The following GSC2 variants were observed in gnomAD, a reference collection of about 807,000 sequenced individuals.
The protein encoded by GSC2 is goosecoid homeobox 2.
GSC2 carries 12 observed loss-of-function variants against 11.3 expected under a neutral mutation model. The ratio of observed to expected loss-of-function variants is 1.06; its 90% CI spans 0.68 to 1.72. GSC2 has a LOEUF of 1.72. Among genes scored for constraint, GSC2 ranks in the 40% most tolerant of loss-of-function variants. The pLI is 0.00. For missense variants in GSC2, 310 were observed against 235.7 expected, an observed-to-expected ratio of 1.32 and a Z score of -2.06; for synonymous variants, 148 against 110.0, an observed-to-expected ratio of 1.35 and a Z score of -2.16.
Position 19,149,024 on chromosome 22 carries a change from G to C in GSC2, c.585C>G (p.Pro195=). Residue 195 remains proline (P), a synonymous_variant, in exon 3 of 3, where the codon CCC becomes CCG. Coordinates refer to ENST00000086933, the MANE Select transcript of GSC2 (RefSeq NM_005315.2). ...KRASASARLL[P]GVKKSPKGSC is the part of the protein sequence containing the mutation. ...TCCCCTTCGGGGACTTCTTGACGCC[G>C]GGCAGGAGCCTCGCGGAAGCCGACG... 6.2e-7 allele frequency: 1 copy of C among 1,601,270 alleles called. No homozygotes were observed. The highest frequency in any genetic ancestry group is 2.3e-5 in the East Asian group (1 of 44,304).
intron 2 of GSC2, among the ~76,000 whole-genome samples, chr22:19,149,339 A>G (rs551017295): frequency 6.6e-6 from 1 of 152,366 alleles, no homozygotes; most frequent in East Asian, 1.9e-4. Flanking sequence ...GGCGGCGACC[A>G]GGACGCCCCT....
rs1177441147 is a variant in GSC2, at chr22:19,147,065, G to A, written c.*1926C>T. ...ACTTCCTGTCAGCCTGGGTATAGTG[G>A]ATGATCAGGAGAGGGAGGGGTCCAG... is the stretch of plus-strand genomic sequence containing the variant. On this transcript the variant is annotated 3_prime_UTR_variant, in exon 3 of 3. Coordinates refer to ENST00000086933, the MANE Select transcript of GSC2 (RefSeq NM_005315.2). Among the ~76,000 whole-genome samples the A allele has an allele frequency of 6.6e-6, 1 of 152,170 alleles. No individual in the cohort carries two copies. The highest frequency in any genetic ancestry group is 2.4e-5 in the African/African-American group (1 of 41,446).
chr22:19,150,151 CGGGCTGCGG>C lies in GSC2; in HGVS notation c.124_132del (p.Pro42_Pro44del), dbSNP rs1174032154. The C allele has an allele frequency of 1.2e-6, 1 of 869,120 alleles. No individual in the cohort carries two copies. The highest frequency in any genetic ancestry group is 1.4e-6 in the Non-Finnish European group (1 of 713,524). 53.8% of individuals were successfully genotyped at this position (869,120 alleles called of 1,614,324 possible). A position where few individuals can be genotyped will look rare whatever the true frequency, so the allele number is the denominator to read the frequency against. On this transcript the variant is annotated inframe_deletion, in exon 1 of 3. Transcript: ENST00000086933. ...GGCTTCGCGGGGCTCTGGCGACCGG[CGGGCTGCGG>C]TGGGCAGGCGGCCCGGGCCGGGAGG...
At position 19,149,086 on chromosome 22, in the gene GSC2, T is replaced by C. The variant is rs1555917854; in HGVS notation, c.523A>G (p.Lys175Glu). The C allele has an allele frequency of 1.4e-5, 22 of 1,584,148 alleles. No homozygotes were observed. The highest frequency in any genetic ancestry group is 4.0e-5 in the African/African-American group (3 of 74,284). ...TGTCGCCATTTGGCCCGGCGGTTCT[T>C]GAACCAGACCTGGGGATGGGGGGAA... ...LREERVEVWFKNRRAKWRHQK... is the reference protein window; with the variant it reads ...LREERVEVWFENRRAKWRHQK... Residue 175 changes from lysine to glutamate, a missense_variant, in exon 3 of 3, where the codon AAG becomes GAG. Transcript: ENST00000086933.
At chr22:19,149,255 A>G (rs1479693371) in intron 2 of GSC2, among the ~76,000 whole-genome samples, 160 bp from the exon 3 acceptor site, 3 of 152,060 alleles carry the variant, frequency 2.0e-5, no homozygotes, top group Non-Finnish European at 1.5e-5. Flanking sequence ...ACCTGCCCTT[A>G]TTCGCTGCGG....
rs1189587935 is a variant in GSC2 at position 19,150,103 on chromosome 22, C to T, written c.181G>A (p.Ala61Thr). ...AKPEEPGAPE[A>T]APCACCCCCG... ...CAGCAGCAGCAGGCGCAGGGCGCAGCCTCGGGCGCCCCGGGCTCCTCTGGC... is the reference window on the plus strand; with the variant it reads ...CAGCAGCAGCAGGCGCAGGGCGCAGTCTCGGGCGCCCCGGGCTCCTCTGGC... Residue 61 changes from alanine (A) to threonine (T), a missense_variant, in exon 1 of 3, where the codon GCT (alanine) becomes ACT (threonine). Transcript: ENST00000086933. 3 of 1,001,640 alleles carry T rather than the reference C, an allele frequency of 3.0e-6. No homozygotes were observed. The highest frequency in any genetic ancestry group is 3.6e-6 in the Non-Finnish European group (3 of 840,686). 62.0% of individuals were successfully genotyped at this position (1,001,640 alleles called of 1,614,324 possible). A position where few individuals can be genotyped will look rare whatever the true frequency, so the allele number is the denominator to read the frequency against.
Position 19,149,718 on chromosome 22 carries a change from A to G in GSC2, c.458T>C (p.Val153Ala). The G allele has an allele frequency of 1.3e-6, 2 of 1,585,940 alleles. No homozygotes were observed. The highest frequency in any genetic ancestry group is 1.1e-5 in the South Asian group (1 of 87,940). Residue 153 changes from valine to alanine, a missense_variant, in exon 2 of 3, where the codon GTG becomes GCG. By Grantham distance (64) the Val-to-Ala change is moderately conservative. Transcript: ENST00000086933. ...ALFVQNQYPD[V>A]STRERLAGRI... is the part of the protein sequence containing the mutation. ...GCCGGCCAGGCGCTCGCGCGTACTCACGTCAGGATACTGGTTCTGCACGAA... is the reference window on the plus strand; with the variant it reads ...GCCGGCCAGGCGCTCGCGCGTACTCGCGTCAGGATACTGGTTCTGCACGAA...
Position 19,150,232 on chromosome 22 carries a change from A to G in GSC2, c.52T>C (p.Cys18Arg). The change falls in exon 1 of 3, where the codon TGC becomes CGC. Residue 18 changes from cysteine (C) to arginine (R), a missense_variant. Transcript: ENST00000086933. Reference sequence around the variant, plus strand: ...AGGATGTGCTCGATGGAGAAGGGGCAGGGCCGCCCGGCACCCCGGCGGCTC... The same window carrying G: ...AGGATGTGCTCGATGGAGAAGGGGCGGGGCCGCCCGGCACCCCGGCGGCTC... Reference protein sequence around the residue: ...AASRRGAGRPCPFSIEHILSS... With the variant: ...AASRRGAGRPRPFSIEHILSS... 2 of 304,522 alleles carry G rather than the reference A, an allele frequency of 6.6e-6. No homozygotes were observed. Among genetic ancestry groups the G allele is most frequent in the Non-Finnish European group, 5.4e-6 (1 of 186,504 alleles). 18.9% of individuals were successfully genotyped at this position (304,522 alleles called of 1,614,324 possible).
Position 19,150,038 on chromosome 22 carries a change from C to T in GSC2, c.246G>A (p.Ala82=), listed in dbSNP as rs552649386. 1.8e-3 allele frequency: 1,862 copies of T among 1,014,964 alleles called. 20 individuals are homozygous for T. In the African/African-American group the frequency reaches 0.03, roughly 16 times the overall value. The allele number at this position is 1,014,964 out of a possible 1,614,324, so 62.9% of individuals were successfully genotyped here. The part of the protein sequence containing the change: ...PRAAPCGPPE[A]AAGLGARLAW... ...GCGCCCACTCACCCAGCCCGGCGGC[C>T]GCCTCTGGGGGCCCGCAGGGCGCCG... Residue 82 remains alanine (A), a synonymous_variant, in exon 1 of 3, where the codon GCG becomes GCA. Coordinates refer to ENST00000086933, the MANE Select transcript of GSC2 (RefSeq NM_005315.2).
In GSC2 at chr22:19,150,113, C is replaced by G; in HGVS notation, c.171G>C (p.Gly57=). The change falls in exon 1 of 3, where the codon GGG becomes GGC. Residue 57 remains glycine (G), a synonymous_variant. Coordinates refer to ENST00000086933, the MANE Select transcript of GSC2 (RefSeq NM_005315.2). ...RQSPAKPEEP[G]APEAAPCACC... is the part of the protein sequence containing the mutation. ...AGGCGCAGGGCGCAGCCTCGGGCGC[C>G]CCGGGCTCCTCTGGCTTCGCGGGGC... is the stretch of plus-strand genomic sequence containing the variant. 1.0e-6 allele frequency: 1 copy of G among 999,958 alleles called. No homozygotes were observed. Among genetic ancestry groups the G allele is most frequent in the Non-Finnish European group, 1.2e-6 (1 of 838,038 alleles). The allele number at this position is 999,958 out of a possible 1,614,324, so 61.9% of individuals were successfully genotyped here.
Position 19,150,194 on chromosome 22 carries a change from G to T in GSC2, c.90C>A (p.Pro30=). The stretch of plus-strand genomic sequence containing the variant: ...CGGCCCGGGCCGGGAGGCTCCGCTC[G>T]GGCAGGCTGGAGAGGATGTGCTCGA... ...FSIEHILSSL[P]ERSLPARAAC... The change falls in exon 1 of 3, where the codon CCC becomes CCA. Residue 30 remains proline (P), a synonymous_variant. Coordinates refer to ENST00000086933, the MANE Select transcript of GSC2 (RefSeq NM_005315.2). 1 of 474,646 alleles carries T rather than the reference G, an allele frequency of 2.1e-6. No individual in the cohort carries two copies. The highest frequency in any genetic ancestry group is 2.9e-6 in the Non-Finnish European group (1 of 347,264). The allele number at this position is 474,646 out of a possible 1,614,324, so 29.4% of individuals were successfully genotyped here.
Position 19,149,025 on chromosome 22 carries a change from G to A in GSC2, c.584C>T (p.Pro195Leu), listed in dbSNP as rs113172815. 9.9e-5 allele frequency: 158 copies of A among 1,601,710 alleles called. No homozygotes were observed. The highest frequency in any genetic ancestry group is 1.3e-4 in the Non-Finnish European group (150 of 1,174,374). ...CCCCTTCGGGGACTTCTTGACGCCG[G>A]GCAGGAGCCTCGCGGAAGCCGACGC... ...KRASASARLL[P>L]GVKKSPKGSC Residue 195 changes from proline (P) to leucine (L), a missense_variant, in exon 3 of 3, where the codon CCC becomes CTC. Transcript: ENST00000086933.
In GSC2 at chr22:19,148,952, A is replaced by G; in HGVS notation, c.*39T>C. The G allele has an allele frequency of 1.6e-6, 2 of 1,269,776 alleles. No individual in the cohort carries two copies. Among genetic ancestry groups the G allele is most frequent in the African/African-American group, 1.5e-5 (1 of 67,014 alleles). 78.7% of individuals were successfully genotyped at this position (1,269,776 alleles called of 1,614,324 possible). ...TCTCAGCGCCAACTCCAAAGATCCC[A>G]AAAAGGGTGGCCGAGCCCAGGGGCA... is the stretch of plus-strand genomic sequence containing the variant. On this transcript the variant is annotated 3_prime_UTR_variant, in exon 3 of 3. Transcript: ENST00000086933.
In GSC2 at chr22:19,149,791, GGC is replaced by G; in HGVS notation, c.383_384del (p.Arg128ProfsTer24). On this transcript the variant is annotated frameshift_variant, in exon 2 of 3. Transcript: ENST00000086933. LOFTEE classifies it high-confidence loss of function. ...VGPGSQRRTRRHRTIFSEEQL... is the reference protein window; with the variant it reads ...VGPGSQRRTRXHRTIFSEEQL... ...TGCTCTTCGCTGAAGATGGTGCGGT[GGC>G]GCCTCGTGCGCCGCTGCGAACCCGG... The G allele has an allele frequency of 1.9e-6, 3 of 1,587,826 alleles. No individual in the cohort carries two copies. The highest frequency in any genetic ancestry group is 2.6e-6 in the Non-Finnish European group (3 of 1,169,540).
intron 2 of GSC2, 133 bp downstream of exon 2, chr22:19,149,530 C>T: frequency 9.9e-7 from 1 of 1,008,566 alleles, no homozygotes; most frequent in Non-Finnish European, 1.4e-6. Context: ...CGTCCAGGGA[C>T]CTCCTCCCTC....
rs2083801573 is a variant in GSC2, at chr22:19,147,949, T to A, written c.*1042A>T. Among the ~76,000 whole-genome samples, 1 of 152,164 alleles carries A rather than the reference T, an allele frequency of 6.6e-6. No individual in the cohort carries two copies. Among genetic ancestry groups the A allele is most frequent in the Non-Finnish European group, 1.5e-5 (1 of 68,010 alleles). Reference sequence around the variant, plus strand: ...GCCTACTTGGGGAATCTAAGGCTTCTTTCCACTGTGCCTTTTGCCATGGGC... The same window carrying A: ...GCCTACTTGGGGAATCTAAGGCTTCATTCCACTGTGCCTTTTGCCATGGGC... On this transcript the variant is annotated 3_prime_UTR_variant, in exon 3 of 3. Transcript: ENST00000086933.
intron 2 of GSC2, 77 bp downstream of exon 2, chr22:19,149,586 G>C: frequency 7.2e-7 from 1 of 1,381,242 alleles, no homozygotes; most frequent in South Asian, 1.6e-5. Context: ...TTTGCAAAGG[G>C]CGCCCGCCCG....
chr22:19,149,097 T>C lies in GSC2; in HGVS notation c.514-2A>G, dbSNP rs554239920. The C allele has an allele frequency of 1.3e-6, 2 of 1,559,700 alleles. No homozygotes were observed. The highest frequency in any genetic ancestry group is 1.4e-5 in the African/African-American group (1 of 73,674). On this transcript the variant is annotated splice_acceptor_variant, in intron 2 of 2. Coordinates refer to ENST00000086933, the MANE Select transcript of GSC2 (RefSeq NM_005315.2). LOFTEE classifies it high-confidence loss of function. ...GGCCCGGCGGTTCTTGAACCAGACC[T>C]GGGGATGGGGGGAATGCTCAGCCCT...
Position 19,149,001 on chromosome 22 carries a change from C to T in GSC2, c.608G>A (p.Gly203Glu), listed in dbSNP as rs970060601. ...CAGCTCCTAGAGTCATCAGCAGCTCCCCTTCGGGGACTTCTTGACGCCGGG... is the reference window on the plus strand; with the variant it reads ...CAGCTCCTAGAGTCATCAGCAGCTCTCCTTCGGGGACTTCTTGACGCCGGG... ...LLPGVKKSPK[G>E]SC The change falls in exon 3 of 3, where the codon GGG becomes GAG. Residue 203 changes from glycine to glutamate, a missense_variant. Physicochemically the swap from Gly to Glu is moderately conservative, Grantham distance 98. Coordinates refer to ENST00000086933, the MANE Select transcript of GSC2 (RefSeq NM_005315.2). 1 of 1,590,506 alleles carries T rather than the reference C, an allele frequency of 6.3e-7. No individual in the cohort carries two copies. Among genetic ancestry groups the T allele is most frequent in the Middle Eastern group, 1.7e-4 (1 of 6,010 alleles).
Sources: gnomAD v4.1 joint callset for allele counts (sites outside exome capture counted in the v4.1 genomes callset) on GRCh38, gnomAD v4.1.1 for gene constraint, MANE v1.5 for transcripts, NCBI Gene and HGNC (gene_info 2026-07-23, HGNC 2026-07-21) for gene names.